CSMD1: variants seen among roughly 807,000 people sequenced by gnomAD.
CSMD1 encodes the protein CUB and sushi domain-containing protein 1.
Under a neutral mutation model 417.5 loss-of-function variants are expected in CSMD1, and 213 were observed. The ratio of observed to expected loss-of-function variants is 0.51; its 90% confidence interval spans 0.46 to 0.57. The LOEUF (loss-of-function observed/expected upper bound fraction) is 0.57, where lower values mean the gene tolerates loss of function less well. Ranked by LOEUF, CSMD1 falls within the 20% of genes least tolerant of loss-of-function variation. The pLI is 0.00. For synonymous variants in CSMD1, 2,862 were observed against 1,736.8 expected, an observed-to-expected ratio of 1.65 and a Z score of -16.11; for missense variants, 6,923 against 4,529.7, an observed-to-expected ratio of 1.53 and a Z score of -15.17.
chr8:4,794,510 G>GCTCTCCTCTCCATCTCTGCCTGA (rs1329989453), intron 1 of CSMD1, among the ~76,000 whole-genome samples: 1 of 152,046 alleles, frequency 6.6e-6, no homozygotes, highest in African/African-American at 2.4e-5. Context: ...TCTGTCCCCT[G>GCTCTCCTCTCCATCTCTGCCTGA]CTCTCCTCTC....
intron 1 of CSMD1, among the ~76,000 whole-genome samples, chr8:4,964,648 A>T (rs1358793909): frequency 3.3e-5 from 5 of 152,004 alleles, no homozygotes; most frequent in African/African-American, 1.2e-4. Flanking sequence ...ACATTTTTCT[A>T]ACACTCTTTA....
chr8:3,401,056 A>C (rs1245220088), intron 15 of CSMD1, among the ~76,000 whole-genome samples: 2 of 151,662 alleles, frequency 1.3e-5, no homozygotes, highest in Non-Finnish European at 2.9e-5. Context: ...ATTATATGTA[A>C]TTCAATTCTT....
At chr8:3,719,005 C>A (rs751463953) in intron 6 of CSMD1, among the ~76,000 whole-genome samples, 1 of 152,092 alleles carries the variant, frequency 6.6e-6, no homozygotes, top group Non-Finnish European at 1.5e-5. Flanking sequence ...AGGGGTGAGA[C>A]AACGCGCTCA....
At position 4,450,628 on chromosome 8, in the gene CSMD1, T is replaced by C. The variant is rs567689197; in HGVS notation, c.303-30563A>G. On this transcript the variant is annotated intron_variant, in intron 2 of 69. Transcript: ENST00000635120. Reference sequence around the variant, plus strand: ...CCTGGTAACAGAGTGACACTCAGTCTCCAAAGAAAAAAAAATTTGGTACTT... The same window carrying C: ...CCTGGTAACAGAGTGACACTCAGTCCCCAAAGAAAAAAAAATTTGGTACTT... Among the ~76,000 whole-genome samples the C allele has an allele frequency of 3.3e-5, 5 of 152,020 alleles. No individual in the cohort carries two copies. In the South Asian group the frequency reaches 1.0e-3, roughly 32 times the overall value.
chr8:3,980,428 G>A (rs898041262), intron 5 of CSMD1, among the ~76,000 whole-genome samples: 5 of 152,152 alleles, frequency 3.3e-5, no homozygotes, highest in African/African-American at 1.2e-4. Context: ...TCTATGGTCA[G>A]GGAAATCTTC....
chr8:3,528,589 C>A (rs551444218), intron 10 of CSMD1, among the ~76,000 whole-genome samples: 3 of 152,292 alleles, frequency 2.0e-5, no homozygotes, highest in Admixed American at 6.5e-5. Context: ...CTGTATACAA[C>A]ACACAATTTG....
chr8:3,624,361 A>G (rs1796394820), intron 7 of CSMD1, among the ~76,000 whole-genome samples: 3 of 152,216 alleles, frequency 2.0e-5, no homozygotes, highest in South Asian at 4.1e-4. Context: ...CTTGAATGTT[A>G]AATCTCTATG....
intron 10 of CSMD1, among the ~76,000 whole-genome samples, chr8:3,522,672 G>C (rs980906471): frequency 2.0e-5 from 3 of 151,972 alleles, no homozygotes; most frequent in African/African-American, 7.3e-5. Flanking sequence ...GTGAGTTTCA[G>C]TGAGGAGTAG....
At chr8:4,503,289 G>C (rs923991324) in intron 2 of CSMD1, among the ~76,000 whole-genome samples, 2 of 152,118 alleles carry the variant, frequency 1.3e-5, no homozygotes, top group Admixed American at 6.5e-5. Context: ...TGATAAGAAG[G>C]TGTTGAAGTA....
At chr8:2,998,631 T>A (rs920605775) in intron 53 of CSMD1, among the ~76,000 whole-genome samples, 5 of 152,250 alleles carry the variant, frequency 3.3e-5, no homozygotes, top group African/African-American at 1.2e-4. Context: ...AATGTCCATG[T>A]ATAAATTATT....
intron 1 of CSMD1, among the ~76,000 whole-genome samples, chr8:4,709,007 T>G (rs1808124399): frequency 6.6e-6 from 1 of 152,140 alleles, no homozygotes; most frequent in South Asian, 2.1e-4. Flanking sequence ...TCCTGAACCT[T>G]GACAAAATAA....
chr8:4,160,697 C>A (rs1375602768), intron 3 of CSMD1, among the ~76,000 whole-genome samples: 1 of 152,230 alleles, frequency 6.6e-6, no homozygotes, highest in African/African-American at 2.4e-5. Flanking sequence ...CACTCCATGT[C>A]TTCACTCTTG....
chr8:3,957,251 A>C (rs1301354695), intron 5 of CSMD1, among the ~76,000 whole-genome samples: 4 of 152,228 alleles, frequency 2.6e-5, no homozygotes, highest in African/African-American at 9.6e-5. Flanking sequence ...CTTTGTGTGT[A>C]GGTTTCACTA....
At chr8:3,384,016 T>G (rs1810805965) in intron 18 of CSMD1, among the ~76,000 whole-genome samples, 1 of 152,162 alleles carries the variant, frequency 6.6e-6, no homozygotes, top group South Asian at 2.1e-4. Flanking sequence ...TAACCACTAG[T>G]GCCAGACAAT....
chr8:3,456,723 G>C lies in CSMD1; in HGVS notation c.1561+11989C>G, dbSNP rs1045941577. 2.0e-5 allele frequency among the ~76,000 whole-genome samples: 3 copies of C among 151,982 alleles called. No individual in the cohort carries two copies. In the East Asian group the frequency reaches 5.8e-4, roughly 29 times the overall value. ...GCTTCCCATAAAGACGAAATATTTG[G>C]AGCTGTTGATTTCTCTCTTTCAGAA... On this transcript the variant is annotated intron_variant, in intron 12 of 69. Transcript: ENST00000635120.
intron 3 of CSMD1, among the ~76,000 whole-genome samples, chr8:4,295,613 G>C (rs914306848): frequency 7.0e-6 from 1 of 142,414 alleles, no homozygotes; most frequent in East Asian, 2.1e-4. Context: ...ATAATCCTAA[G>C]ATTATATATA....
chr8:4,523,550 C>A (rs754916866), intron 2 of CSMD1, among the ~76,000 whole-genome samples: 2 of 152,086 alleles, frequency 1.3e-5, no homozygotes, highest in African/African-American at 4.8e-5. Context: ...CACACACATG[C>A]AGACAGAATA....
intron 1 of CSMD1, among the ~76,000 whole-genome samples, chr8:4,868,469 C>T (rs941019996): frequency 1.2e-4 from 18 of 152,000 alleles, no homozygotes; most frequent in African/African-American, 4.1e-4. Context: ...CTCCTGACCT[C>T]AGGTGATCCG....
At position 3,547,523 on chromosome 8, in the gene CSMD1, A is replaced by G. The variant is rs185072107; in HGVS notation, c.1344+27422T>C. On this transcript the variant is annotated intron_variant, in intron 10 of 69. Coordinates refer to ENST00000635120, the MANE Select transcript of CSMD1 (RefSeq NM_033225.6). ...TATTTATGCCTGATCACGTCTCTCAAATAAGAAAATATTTTTCCAAAGTCT... is the reference window on the plus strand; with the variant it reads ...TATTTATGCCTGATCACGTCTCTCAGATAAGAAAATATTTTTCCAAAGTCT... 9.6e-4 allele frequency among the ~76,000 whole-genome samples: 146 copies of G among 152,310 alleles called. 1 individual carries two copies. Among genetic ancestry groups the G allele is most frequent in the African/African-American group, 3.4e-3 (142 of 41,564 alleles).
Sources: gnomAD v4.1 joint callset for allele counts (sites outside exome capture counted in the v4.1 genomes callset) on GRCh38, gnomAD v4.1.1 for gene constraint, MANE v1.5 for transcripts, NCBI Gene and HGNC (gene_info 2026-07-23, HGNC 2026-07-21) for gene names.